The following PSPC1 variants were observed in gnomAD, a reference collection of about 807,000 sequenced individuals.
PSPC1 encodes paraspeckle component 1.
PSPC1 carries 14 observed loss-of-function variants against 51.6 expected under a neutral mutation model. The observed-to-expected ratio is 0.27, with a 90% CI of 0.18 to 0.42. The LOEUF is 0.42. Among genes scored for constraint, PSPC1 ranks in the 10% least tolerant of loss-of-function variants. The pLI is 1.00. For synonymous variants in PSPC1, 193 were observed against 231.9 expected, an observed-to-expected ratio of 0.83 and a Z score of 1.53; for missense variants, 406 against 701.1, an observed-to-expected ratio of 0.58 and a Z score of 4.75.
chr13:19,778,430 G>C (rs1889453545), intron 1 of PSPC1, among the ~76,000 whole-genome samples: 1 of 109,606 alleles, frequency 9.1e-6, no homozygotes, highest in African/African-American at 3.5e-5. Context: ...CTCTCATGCG[G>C]AGCCGAAGCT....
intron 6 of PSPC1, among the ~76,000 whole-genome samples, chr13:19,695,008 A>G (rs1449888146): frequency 6.6e-6 from 1 of 152,230 alleles, no homozygotes; most frequent in East Asian, 1.9e-4. Context: ...TCAAACTGCA[A>G]GAAACTACAG....
Position 19,782,634 on chromosome 13 carries a change from C to A in PSPC1, c.124G>T (p.Ala42Ser). ...GGCGCGGGCGGTGCCGGCTCCCCGG[C>A]AAGAGCGAGCGCCATGGCTGCCGCG... ...AAAAAMALAL[A>S]GEPAPPAPAP... Residue 42 changes from alanine (A) to serine (S), a missense_variant, in exon 1 of 9, where the codon GCC becomes TCC. By Grantham distance (99) the Ala-to-Ser change is moderately conservative. This residue lies in a region of PSPC1 where 128 missense variants were observed against 107.1 expected (regional missense o/e 1.20). Transcript: ENST00000338910. This position sits in a 1 kb window ranked among gnomAD's most constrained non-coding sequence, Gnocchi z 4.5. 6.4e-7 allele frequency: 1 copy of A among 1,570,034 alleles called. No homozygotes were observed. The highest frequency in any genetic ancestry group is 1.4e-5 in the African/African-American group (1 of 70,758).
At chr13:19,693,429 ACT>A (rs1340613975) in intron 6 of PSPC1, among the ~76,000 whole-genome samples, 2 of 152,184 alleles carry the variant, frequency 1.3e-5, no homozygotes, top group African/African-American at 4.8e-5. Flanking sequence ...ATTTGTAAAC[ACT>A]GTGTCTGTTC....
chr13:19,713,040 T>C (rs1881630574), intron 6 of PSPC1, among the ~76,000 whole-genome samples: 1 of 152,142 alleles, frequency 6.6e-6, no homozygotes, highest in Non-Finnish European at 1.5e-5. Context: ...ATCTATCAAA[T>C]ATTAATAAGA....
chr13:19,686,542 C>G (rs566932628), intron 6 of PSPC1, among the ~76,000 whole-genome samples: 5 of 152,184 alleles, frequency 3.3e-5, no homozygotes, highest in African/African-American at 7.2e-5. Flanking sequence ...AAATTAGTAA[C>G]AGCGGCTGCC....
At chr13:19,693,894 T>C (rs1000160605) in intron 6 of PSPC1, among the ~76,000 whole-genome samples, 8 of 151,984 alleles carry the variant, frequency 5.3e-5, no homozygotes, top group African/African-American at 1.9e-4. Context: ...GAGGCCGAGA[T>C]GGGCGGATCA....
chr13:19,701,135 G>A (rs1448500037), downstream of PSPC1, among the ~76,000 whole-genome samples: 1 of 151,994 alleles, frequency 6.6e-6, no homozygotes, highest in African/African-American at 2.4e-5. Flanking sequence ...AGGATGTTCA[G>A]GAGATTAAGA....
Position 19,759,504 on chromosome 13 carries a change from G to A in PSPC1, c.675-86C>T, listed in dbSNP as rs372086290. The A allele has an allele frequency of 3.2e-4, 285 of 897,168 alleles. 1 individual carries two copies. The African/African-American group carries it at 4.2e-3, about 13-fold the overall frequency. 55.6% of individuals were successfully genotyped at this position (897,168 alleles called of 1,614,324 possible). ...AAAAGAAATGTTTTATAATAATAAA[G>A]ATATATACTTAGAAAATGTCTCACT... On this transcript the variant is annotated intron_variant, in intron 2 of 8. Coordinates refer to ENST00000338910, the MANE Select transcript of PSPC1 (RefSeq NM_001354909.2).
intron 2 of PSPC1, 143 bp downstream of exon 2, chr13:19,772,099 A>G: frequency 1.1e-6 from 1 of 900,418 alleles, no homozygotes; most frequent in South Asian, 1.8e-5. Context: ...GTACACGAAA[A>G]TTTCTTATTT....
chr13:19,738,394 T>C (rs1285226708), intron 5 of PSPC1, among the ~76,000 whole-genome samples: 2 of 152,162 alleles, frequency 1.3e-5, no homozygotes, highest in African/African-American at 4.8e-5. Context: ...ACATATGGTG[T>C]AGTATTCGCA....
chr13:19,711,968 T>C (rs1193527191), intron 6 of PSPC1, among the ~76,000 whole-genome samples: 1 of 152,196 alleles, frequency 6.6e-6, no homozygotes, highest in Non-Finnish European at 1.5e-5. Flanking sequence ...AATTGCCATT[T>C]CCTTATCACT....
chr13:19,685,526 T>G (rs1257481674), intron 6 of PSPC1, among the ~76,000 whole-genome samples: 2 of 152,178 alleles, frequency 1.3e-5, no homozygotes, highest in Non-Finnish European at 2.9e-5. Context: ...AGGTCTCCCT[T>G]AACATCTCAG....
In PSPC1 at chr13:19,709,557, C is replaced by T; in HGVS notation, c.1201G>A (p.Ala401Thr). The T allele has an allele frequency of 2.5e-6, 4 of 1,612,676 alleles. No individual in the cohort carries two copies. Among genetic ancestry groups the T allele is most frequent in the Non-Finnish European group, 1.7e-6 (2 of 1,179,476 alleles). The change falls in exon 7 of 9, where the codon GCA (alanine) becomes ACA (threonine). Residue 401 changes from alanine (A) to threonine (T), a missense_variant. Coordinates refer to ENST00000338910, the MANE Select transcript of PSPC1 (RefSeq NM_001354909.2). ...MRMGDMGPRG[A>T]INMGDAFSPA... is the part of the protein sequence containing the mutation. ...AAATCCCTACCTCCCATGTTTATTG[C>T]TCCACGGGGACCCATATCACCCATT...
At chr13:19,767,891 TAA>T in intron 2 of PSPC1, among the ~76,000 whole-genome samples, 1 of 152,178 alleles carries the variant, frequency 6.6e-6, no homozygotes, top group East Asian at 1.9e-4. Flanking sequence ...TCATAAAATA[TAA>T]AAACATCTGC....
intron 6 of PSPC1, among the ~76,000 whole-genome samples, chr13:19,722,217 C>A (rs1882854847): frequency 6.6e-6 from 1 of 152,160 alleles, no homozygotes; most frequent in African/African-American, 2.4e-5. Context: ...ATAAAAAGGA[C>A]CAGGTGCAGT....
chr13:19,692,249 G>A (rs562517144), intron 6 of PSPC1, among the ~76,000 whole-genome samples: 5 of 152,100 alleles, frequency 3.3e-5, no homozygotes, highest in South Asian at 4.2e-4. Flanking sequence ...TCAGCCTCCC[G>A]AGTAGCTGGA....
chr13:19,679,407 G>GA (rs1877025501), intron 6 of PSPC1, among the ~76,000 whole-genome samples: 2 of 152,152 alleles, frequency 1.3e-5, no homozygotes, highest in Non-Finnish European at 1.5e-5. Flanking sequence ...GAAGCAGAAG[G>GA]ATCGTTTGAG....
At chr13:19,745,467 AGT>A (rs1044424655) in intron 4 of PSPC1, among the ~76,000 whole-genome samples, 4 of 152,180 alleles carry the variant, frequency 2.6e-5, no homozygotes, top group Non-Finnish European at 4.4e-5. Context: ...ACTGTAAGAC[AGT>A]GTTTTCTCAA....
At chr13:19,713,824 A>G (rs7984918) in intron 6 of PSPC1, among the ~76,000 whole-genome samples, 145,991 of 152,208 alleles carry the variant, frequency 0.96, 70,322 homozygotes, top group East Asian at 1. Context: ...GAGTCCCCAA[A>G]ACTCAGGAAG....
Sources: gnomAD v4.1 joint callset for allele counts (sites outside exome capture counted in the v4.1 genomes callset) on GRCh38, gnomAD v4.1.1 for gene constraint, gnomAD v4.1.1 regional missense constraint, Gnocchi (gnomAD v3.1) non-coding constraint, MANE v1.5 for transcripts, NCBI Gene and HGNC (gene_info 2026-07-23, HGNC 2026-07-21) for gene names.